The following REDIC1 variants were observed in gnomAD, a reference collection of about 807,000 sequenced individuals.
REDIC1 encodes regulator of DNA class I crossover intermediates 1.
the REDIC1 span, among the ~76,000 whole-genome samples, chr12:39,896,271 T>C: frequency 1.8e-3 from 234 of 131,670 alleles, 4 homozygotes; most frequent in African/African-American, 6.1e-3. Context: ...TGTGTGTATA[T>C]ATGTATACAT....
the REDIC1 span, among the ~76,000 whole-genome samples, chr12:39,705,884 C>A: frequency 6.6e-6 from 1 of 152,070 alleles, no homozygotes; most frequent in Non-Finnish European, 1.5e-5. Context: ...GAAAGGCTTT[C>A]CTCTAAGATA....
the REDIC1 span, among the ~76,000 whole-genome samples, chr12:39,649,697 G>A: frequency 6.6e-6 from 1 of 151,222 alleles, no homozygotes; most frequent in Non-Finnish European, 1.5e-5. Context: ...ATAGATTAGT[G>A]TTGGGCCAAT....
At chr12:39,646,696 A>G in the REDIC1 span, 2,761 of 576,204 alleles carry the variant, frequency 4.8e-3, 74 homozygotes, top group African/African-American at 0.049. Flanking sequence ...TAATTTTTAT[A>G]AAACTTAGTA....
chr12:39,684,756 A>T, the REDIC1 span: 12 of 690,912 alleles, frequency 1.7e-5, 1 homozygote, highest in East Asian at 3.2e-4. Flanking sequence ...ATTTTTAAGA[A>T]AGCTTCCCAT....
At chr12:39,886,855 A>T in the REDIC1 span, among the ~76,000 whole-genome samples, 1 of 152,210 alleles carries the variant, frequency 6.6e-6, no homozygotes, top group Non-Finnish European at 1.5e-5. Context: ...TCCTGATAAA[A>T]GAGGAAAAGA....
At chr12:39,733,088 C>CAG in the REDIC1 span, among the ~76,000 whole-genome samples, 1 of 151,862 alleles carries the variant, frequency 6.6e-6, no homozygotes, top group Non-Finnish European at 1.5e-5. Flanking sequence ...CACACACACA[C>CAG]ACACACACTT....
chr12:39,784,354 A>G, the REDIC1 span, among the ~76,000 whole-genome samples: 1 of 152,242 alleles, frequency 6.6e-6, no homozygotes, highest in Non-Finnish European at 1.5e-5. Flanking sequence ...CCAAAACAGC[A>G]TGGTACTGGT....
the REDIC1 span, chr12:39,755,781 A>C: frequency 1.3e-4 from 20 of 152,122 alleles, no homozygotes; most frequent in African/African-American, 4.6e-4. Context: ...ACTCAAGTAC[A>C]ACAGACTATA....
chr12:39,626,367 G>T, the REDIC1 span: 1 of 1,614,102 alleles, frequency 6.2e-7, no homozygotes, highest in African/African-American at 1.3e-5. Context: ...CCGGTAAGTT[G>T]TGCAGCTGGA....
At chr12:39,779,852 G>C in the REDIC1 span, among the ~76,000 whole-genome samples, 1 of 152,360 alleles carries the variant, frequency 6.6e-6, no homozygotes, top group Admixed American at 6.5e-5. Context: ...TCCACTGCAA[G>C]AGTGCCTGCA....
the REDIC1 span, among the ~76,000 whole-genome samples, chr12:39,778,780 C>A: frequency 1.3e-5 from 2 of 152,120 alleles, no homozygotes; most frequent in Non-Finnish European, 2.9e-5. Flanking sequence ...AAGTGGCTAT[C>A]AACTTAAATA....
chr12:39,853,524 AT>A, the REDIC1 span, among the ~76,000 whole-genome samples: 97 of 151,362 alleles, frequency 6.4e-4, no homozygotes, highest in African/African-American at 2.3e-3. Context: ...GCTGGGCAAC[AT>A]TTTTTTCTCC....
the REDIC1 span, among the ~76,000 whole-genome samples, chr12:39,886,722 A>G: frequency 6.6e-6 from 1 of 152,212 alleles, no homozygotes; most frequent in African/African-American, 2.4e-5. Flanking sequence ...TGAAAATTTA[A>G]AGCTACTTCA....
the REDIC1 span, chr12:39,684,161 C>T: frequency 9.8e-7 from 1 of 1,021,600 alleles, no homozygotes; most frequent in Non-Finnish European, 1.2e-6. Context: ...GATTTTTACA[C>T]TCATCCATTA....
At chr12:39,727,639 T>TCTAATTCTGTGAAGAAAGA in the REDIC1 span, among the ~76,000 whole-genome samples, 2 of 132,902 alleles carry the variant, frequency 1.5e-5, 1 homozygote, top group East Asian at 4.6e-4. Context: ...TTTAGCTTTT[T>TCTAATTCTGTGAAGAAAGA]CTAATTCTGT....
At chr12:39,896,580 G>A in the REDIC1 span, among the ~76,000 whole-genome samples, 4 of 144,000 alleles carry the variant, frequency 2.8e-5, no homozygotes, top group South Asian at 2.3e-4. Context: ...ATGTATGTGT[G>A]TATATATGTA....
the REDIC1 span, among the ~76,000 whole-genome samples, chr12:39,701,291 T>C: frequency 3.9e-5 from 6 of 152,182 alleles, no homozygotes; most frequent in African/African-American, 1.4e-4. Flanking sequence ...GCAATCCTGG[T>C]CTCTGGTAAA....
At chr12:39,894,135 C>T in the REDIC1 span, among the ~76,000 whole-genome samples, 19 of 152,280 alleles carry the variant, frequency 1.2e-4, no homozygotes, top group East Asian at 1.5e-3. Flanking sequence ...TATAGTGCCA[C>T]GTCACTAGGG....
chr12:39,687,446 C>A, the REDIC1 span, among the ~76,000 whole-genome samples: 1 of 151,470 alleles, frequency 6.6e-6, no homozygotes, highest in Non-Finnish European at 1.5e-5. Flanking sequence ...AGGTGTGTGG[C>A]ATCTCAAACA....
Sources: allele counts gnomAD v4.1 joint callset (sites outside exome capture counted in the v4.1 genomes callset), GRCh38; gene constraint gnomAD v4.1.1; transcripts MANE v1.5; gene names NCBI Gene and HGNC (gene_info 2026-07-23, HGNC 2026-07-21).